DOCK3: variants seen among roughly 807,000 people sequenced by gnomAD.
The protein encoded by DOCK3 is dedicator of cytokinesis protein 3.
DOCK3 carries 60 observed loss-of-function variants against 265.6 expected under a neutral mutation model. The ratio of observed to expected loss-of-function variants is 0.23; its 90% confidence interval spans 0.18 to 0.28. DOCK3 has a LOEUF of 0.28. DOCK3 is among the 10% of genes least tolerant of loss of function. DOCK3 has a pLI of 1.00. For synonymous variants in DOCK3, 881 were observed against 938.0 expected (o/e 0.94, Z 1.11); for missense variants, 1,981 against 2,594.3 (o/e 0.76, Z 5.14).
intron 1 of DOCK3, among the ~76,000 whole-genome samples, chr3:50,714,115 C>G (rs568597478): frequency 6.6e-6 from 1 of 152,108 alleles, no homozygotes; most frequent in African/African-American, 2.4e-5. Context: ...CCTGCCCCAG[C>G]CTCCTAAGTG....
chr3:51,174,964 G>C (rs181714747), intron 12 of DOCK3, among the ~76,000 whole-genome samples: 1 of 152,300 alleles, frequency 6.6e-6, no homozygotes, highest in East Asian at 1.9e-4. Flanking sequence ...CAATAGAGCT[G>C]AGGCAAGGTG....
intron 5 of DOCK3, among the ~76,000 whole-genome samples, chr3:50,950,485 G>A (rs2076560483): frequency 6.6e-6 from 1 of 152,112 alleles, no homozygotes; most frequent in African/African-American, 2.4e-5. Context: ...AAGTTTGTTA[G>A]GCCATAAAGT....
chr3:51,200,697 A>G (rs940962510), intron 12 of DOCK3, among the ~76,000 whole-genome samples: 1 of 151,970 alleles, frequency 6.6e-6, no homozygotes, highest in Non-Finnish European at 1.5e-5. Context: ...CTCCTCGAGA[A>G]GAGCAACTCC....
intron 5 of DOCK3, among the ~76,000 whole-genome samples, chr3:50,974,839 T>A (rs905175022): frequency 7.1e-6 from 1 of 141,640 alleles, no homozygotes; most frequent in Non-Finnish European, 1.5e-5. Context: ...GTAGTTCTCC[T>A]TGAAGAGGTC....
At chr3:51,250,792 T>C (rs1350997476) in intron 22 of DOCK3, among the ~76,000 whole-genome samples, 1 of 152,212 alleles carries the variant, frequency 6.6e-6, no homozygotes, top group Admixed American at 6.5e-5. Flanking sequence ...GAGTGAGCAC[T>C]CCAGACTGAG....
chr3:51,173,304 A>AC (rs1425939500), intron 12 of DOCK3, among the ~76,000 whole-genome samples: 1 of 152,108 alleles, frequency 6.6e-6, no homozygotes, highest in Non-Finnish European at 1.5e-5. Context: ...TATTTTTTGT[A>AC]GAGACTGGGT....
intron 2 of DOCK3, among the ~76,000 whole-genome samples, chr3:50,785,319 T>C (rs919295620): frequency 6.6e-6 from 1 of 152,312 alleles, no homozygotes; most frequent in South Asian, 2.1e-4. Context: ...TTCTTTCTCT[T>C]GTCTGATTGC....
At chr3:50,832,452 CA>C (rs1314507180) in intron 2 of DOCK3, among the ~76,000 whole-genome samples, 1 of 152,160 alleles carries the variant, frequency 6.6e-6, no homozygotes, top group Non-Finnish European at 1.5e-5. Context: ...AAAATTTTTG[CA>C]ATCTATTCAT....
intron 5 of DOCK3, among the ~76,000 whole-genome samples, chr3:51,063,225 A>AT (rs967671168): frequency 7.9e-5 from 12 of 151,994 alleles, no homozygotes; most frequent in Non-Finnish European, 1.3e-4. Context: ...AAAAAAAAAA[A>AT]ATATTAGCCA....
chr3:50,771,595 T>C (rs181133522), intron 1 of DOCK3, among the ~76,000 whole-genome samples: 2 of 152,296 alleles, frequency 1.3e-5, no homozygotes, highest in East Asian at 3.9e-4. Flanking sequence ...CTCACACCTG[T>C]AATCCTAGCA....
chr3:51,341,204 G>A, intron 37 of DOCK3, 33 bp from the exon 38 acceptor site: 1 of 1,533,916 alleles, frequency 6.5e-7, no homozygotes, highest in East Asian at 2.3e-5. Flanking sequence ...AGCAAGGGAA[G>A]CCCCTGGACC....
Position 51,146,616 on chromosome 3 carries a change from T to G in DOCK3, c.814T>G (p.Cys272Gly), listed in dbSNP as rs2085315889. The change falls in exon 10 of 53, where the codon TGT becomes GGT. Residue 272 changes from cysteine to glycine, a missense_variant. Physicochemically the swap from Cys to Gly is radical, Grantham distance 159. This residue lies in a region of DOCK3 where 456 missense variants were observed against 539.0 expected (regional missense o/e 0.85). Coordinates refer to ENST00000266037, the MANE Select transcript of DOCK3 (RefSeq NM_004947.5). Reference sequence around the variant, plus strand: ...GAACCCAGAGAAGATAGAACGAATGTGTGCCCTTTTTACAGTATGTACGAA... The same window carrying G: ...GAACCCAGAGAAGATAGAACGAATGGGTGCCCTTTTTACAGTATGTACGAA... ...PRNPEKIERM[C>G]ALFTDLSSKD... 6.3e-7 allele frequency: 1 copy of G among 1,589,890 alleles called. No individual in the cohort carries two copies. The highest frequency in any genetic ancestry group is 8.6e-7 in the Non-Finnish European group (1 of 1,167,354).
chr3:51,293,224 G>A (rs1487789590), intron 27 of DOCK3, among the ~76,000 whole-genome samples: 1 of 152,058 alleles, frequency 6.6e-6, no homozygotes, highest in Non-Finnish European at 1.5e-5. Flanking sequence ...ATATTTCAAA[G>A]CATATTACAA....
chr3:51,379,570 T>C, intron 51 of DOCK3: 5 of 985,446 alleles, frequency 5.1e-6, no homozygotes, highest in Non-Finnish European at 6.0e-6. Flanking sequence ...GCCTGCTGCA[T>C]GGTAAGAAGA....
chr3:51,349,855 G>A (rs895690785), intron 39 of DOCK3, among the ~76,000 whole-genome samples: 1 of 152,176 alleles, frequency 6.6e-6, no homozygotes, highest in African/African-American at 2.4e-5. Flanking sequence ...GATGCAAAAT[G>A]GTGGTGAGAA....
intron 1 of DOCK3, among the ~76,000 whole-genome samples, chr3:50,679,263 T>C (rs1411699398): frequency 6.6e-6 from 1 of 152,226 alleles, no homozygotes; most frequent in East Asian, 1.9e-4. Flanking sequence ...TGTGAGCCAC[T>C]GTGCCCAGCT....
In DOCK3 at chr3:51,149,103, C is replaced by T. The variant is rs373065924; in HGVS notation, c.828+2473C>T. ...CCTAGGTATTTTATTCTCTTTGTAG[C>T]AATTGTGAATGGGAGTTCACTCATG... On this transcript the variant is annotated intron_variant, in intron 10 of 52. Coordinates refer to ENST00000266037, the MANE Select transcript of DOCK3 (RefSeq NM_004947.5). 3.3e-5 allele frequency among the ~76,000 whole-genome samples: 5 copies of T among 152,108 alleles called. No individual in the cohort carries two copies. In the South Asian group the frequency reaches 6.2e-4, roughly 19 times the overall value.
chr3:50,911,657 C>A (rs1377378639), intron 4 of DOCK3, among the ~76,000 whole-genome samples: 2 of 151,656 alleles, frequency 1.3e-5, no homozygotes. Flanking sequence ...TAGTACCATA[C>A]AGATTTTAGG....
intron 5 of DOCK3, among the ~76,000 whole-genome samples, chr3:51,020,532 G>C (rs945236052): frequency 6.6e-6 from 1 of 151,750 alleles, no homozygotes; most frequent in African/African-American, 2.4e-5. Context: ...TTTTCATCAC[G>C]AAATCTTTGC....
Sources: gnomAD v4.1 joint callset for allele counts (sites outside exome capture counted in the v4.1 genomes callset) on GRCh38, gnomAD v4.1.1 for gene constraint, gnomAD v4.1.1 regional missense constraint, MANE v1.5 for transcripts, NCBI Gene and HGNC (gene_info 2026-07-23, HGNC 2026-07-21) for gene names.